ATP13A5: variants seen among roughly 807,000 people sequenced by gnomAD.
ATP13A5 encodes the protein probable cation-transporting ATPase 13A5.
A neutral mutation model predicts 150.2 loss-of-function variants in ATP13A5; 149 were observed. The observed-to-expected ratio is 0.99, with a 90% confidence interval of 0.87 to 1.14. ATP13A5 has a LOEUF of 1.14. Among genes scored for constraint, ATP13A5 ranks in the 50% most tolerant of loss-of-function variants. ATP13A5 has a pLI of 0.00. For synonymous variants in ATP13A5, 497 were observed against 522.2 expected (o/e 0.95, Z 0.66); for missense variants, 1,383 against 1,449.3 (o/e 0.95, Z 0.74).
At chr3:193,351,701 T>G (rs1343595037) in intron 6 of ATP13A5, among the ~76,000 whole-genome samples, 1 of 152,152 alleles carries the variant, frequency 6.6e-6, no homozygotes, top group Non-Finnish European at 1.5e-5. Flanking sequence ...ATGTCACAGG[T>G]CCTAGCAAGG....
In ATP13A5 at chr3:193,299,040, CCT is replaced by C. The variant is rs1718285650; in HGVS notation, c.2848+89_2848+90del. The C allele has an allele frequency of 1.5e-5, 15 of 995,564 alleles. No individual in the cohort carries two copies. In the South Asian group the frequency reaches 2.2e-4, roughly 15 times the overall value. The allele number at this position is 995,564 out of a possible 1,614,324, so 61.7% of individuals were successfully genotyped here. A position where few individuals can be genotyped will look rare whatever the true frequency, so the allele number is the denominator to read the frequency against. Reference sequence around the variant, plus strand: ...TAATGAGGTTTTGGAAATAAGGGTGCCTCTTTCTCAAAAGTTCCTTTTTGTGT... The same window carrying C: ...TAATGAGGTTTTGGAAATAAGGGTGCCTTTCTCAAAAGTTCCTTTTTGTGT... On this transcript the variant is annotated intron_variant, in intron 25 of 29. Transcript: ENST00000342358.
chr3:193,376,731 G>T (rs892137502), intron 1 of ATP13A5, among the ~76,000 whole-genome samples: 1 of 152,104 alleles, frequency 6.6e-6, no homozygotes, highest in African/African-American at 2.4e-5. Context: ...AGTATGTGTT[G>T]TTCCCCATCC....
chr3:193,313,898 G>C (rs985548203), intron 19 of ATP13A5, 135 bp downstream of exon 19: 1 of 1,058,160 alleles, frequency 9.5e-7, no homozygotes, highest in South Asian at 1.9e-5. Context: ...GAAATGCTTT[G>C]CAAACTGTCA....
At chr3:193,363,518 T>C in intron 2 of ATP13A5, 136 bp from the exon 3 acceptor site, 2 of 783,422 alleles carry the variant, frequency 2.6e-6, no homozygotes, top group Non-Finnish European at 3.9e-6. Context: ...TTAGTAGAAA[T>C]GCAAATTCTC....
chr3:193,339,913 G>C (rs2108881465), intron 9 of ATP13A5, among the ~76,000 whole-genome samples: 1 of 152,250 alleles, frequency 6.6e-6, no homozygotes, highest in African/African-American at 2.4e-5. Flanking sequence ...TGATCAATCA[G>C]TAATGGAAGT....
At chr3:193,305,804 T>C in intron 22 of ATP13A5, 136 bp from the exon 23 acceptor site, 1 of 698,212 alleles carries the variant, frequency 1.4e-6, no homozygotes, top group Non-Finnish European at 2.5e-6. Context: ...TTTAATGCTG[T>C]CCCTCCACCT....
chr3:193,274,825 G>C lies in ATP13A5; in HGVS notation c.*217C>G, dbSNP rs1414919843. ...ATGAATACAGTTTATTGAAAAGGAT[G>C]ATACAGGAAATGCATTTTTTTCTCT... On this transcript the variant is annotated 3_prime_UTR_variant, in exon 30 of 30. Coordinates refer to ENST00000342358, the MANE Select transcript of ATP13A5 (RefSeq NM_198505.4). The C allele has an allele frequency of 8.1e-6, 5 of 618,128 alleles. No individual in the cohort carries two copies. The highest frequency in any genetic ancestry group is 1.8e-5 in the African/African-American group (1 of 54,182). 38.3% of individuals were successfully genotyped at this position (618,128 alleles called of 1,614,324 possible).
chr3:193,307,087 G>A, intron 22 of ATP13A5: 1 of 984,576 alleles, frequency 1.0e-6, no homozygotes, highest in Non-Finnish European at 1.2e-6. Context: ...AAATATGGGA[G>A]TCTAAGTAGC....
chr3:193,315,179 T>C, intron 17 of ATP13A5, 83 bp from the exon 18 acceptor site: 4 of 1,366,886 alleles, frequency 2.9e-6, no homozygotes, highest in Non-Finnish European at 4.0e-6. Context: ...TAAAAATTTA[T>C]AAGTTTTATT....
chr3:193,294,542 C>T (rs183822009), intron 25 of ATP13A5, among the ~76,000 whole-genome samples: 1 of 152,088 alleles, frequency 6.6e-6, no homozygotes, highest in Non-Finnish European at 1.5e-5. Flanking sequence ...TGTACATTGC[C>T]TTAAAACCTT....
intron 1 of ATP13A5, among the ~76,000 whole-genome samples, chr3:193,377,589 T>TG (rs1347969547): frequency 6.6e-6 from 1 of 152,224 alleles, no homozygotes; most frequent in Admixed American, 6.5e-5. Context: ...GCTGCCTTAT[T>TG]GAACAACATA....
intron 13 of ATP13A5, among the ~76,000 whole-genome samples, chr3:193,326,306 C>T (rs574833165): frequency 1.1e-4 from 16 of 152,072 alleles, no homozygotes; most frequent in South Asian, 2.1e-4. Flanking sequence ...CTCCAGGGGC[C>T]CTCTTTCCCT....
intron 9 of ATP13A5, among the ~76,000 whole-genome samples, chr3:193,338,956 G>C (rs1712006264): frequency 6.6e-6 from 1 of 152,148 alleles, no homozygotes; most frequent in Admixed American, 6.6e-5. Context: ...TCCTGGTTTA[G>C]TCTTGGGAGG....
At chr3:193,339,129 T>C (rs1299466333) in intron 9 of ATP13A5, among the ~76,000 whole-genome samples, 1 of 152,182 alleles carries the variant, frequency 6.6e-6, no homozygotes. Flanking sequence ...CTCTCTTTTC[T>C]TCTTTATTAG....
chr3:193,349,492 A>G (rs192509450), intron 7 of ATP13A5, among the ~76,000 whole-genome samples: 1 of 34,050 alleles, frequency 2.9e-5, no homozygotes, highest in Non-Finnish European at 6.6e-5. Flanking sequence ...GGAAAGCAGA[A>G]ATATATTTGA....
intron 21 of ATP13A5, among the ~76,000 whole-genome samples, chr3:193,308,425 C>T (rs1718704895): frequency 6.6e-6 from 1 of 152,148 alleles, no homozygotes; most frequent in African/African-American, 2.4e-5. Context: ...CACCGCTGCA[C>T]TCCAGCCTGG....
intron 17 of ATP13A5, among the ~76,000 whole-genome samples, chr3:193,318,404 AAAT>A (rs1361087532): frequency 6.6e-6 from 1 of 152,244 alleles, no homozygotes; most frequent in Non-Finnish European, 1.5e-5. Flanking sequence ...ACGTTGAAAG[AAAT>A]AATAATTTAT....
chr3:193,305,484 G>T, intron 23 of ATP13A5, 75 bp downstream of exon 23: 2 of 1,154,528 alleles, frequency 1.7e-6, no homozygotes, highest in Non-Finnish European at 2.6e-6. Flanking sequence ...ACTTTAGCTT[G>T]TAGTTGAATT....
At chr3:193,279,339 C>T (rs1314079927) in intron 28 of ATP13A5, 27 bp downstream of exon 28, 2 of 1,533,134 alleles carry the variant, frequency 1.3e-6, no homozygotes, top group Non-Finnish European at 1.8e-6. Flanking sequence ...ATGAGTCATG[C>T]CAGATGTGCA....
Sources: allele counts gnomAD v4.1 joint callset (sites outside exome capture counted in the v4.1 genomes callset), GRCh38; gene constraint gnomAD v4.1.1; transcripts MANE v1.5; gene names NCBI Gene and HGNC (gene_info 2026-07-23, HGNC 2026-07-21).